DAB1: variants seen among roughly 807,000 people sequenced by gnomAD.
The protein encoded by DAB1 is disabled homolog 1.
A neutral mutation model predicts 64.6 loss-of-function variants in DAB1; 15 were observed. The observed-to-expected ratio is 0.23, with a 90% CI of 0.16 to 0.36. The LOEUF is 0.36. Ranked by LOEUF, DAB1 falls within the 10% of genes least tolerant of loss-of-function variation. DAB1 has a pLI of 1.00. For missense variants in DAB1, 596 were observed against 706.7 expected, an observed-to-expected ratio of 0.84 and a Z score of 1.78; for synonymous variants, 235 against 251.9, an observed-to-expected ratio of 0.93 and a Z score of 0.64.
intron 1 of DAB1, among the ~76,000 whole-genome samples, chr1:57,364,872 G>T (rs116525419): frequency 0.015 from 2,262 of 148,582 alleles, 45 homozygotes; most frequent in African/African-American, 0.048. Context: ...TATATATATA[G>T]AGAGAGAAAG....
In DAB1 at chr1:56,996,076, T is replaced by C. The variant is rs1645604140; in HGVS notation, c.*2068A>G. 1 of 152,222 alleles carries C rather than the reference T, an allele frequency of 6.6e-6. No homozygotes were observed. 9.4% of individuals were successfully genotyped at this position (152,222 alleles called of 1,614,324 possible). On this transcript the variant is annotated 3_prime_UTR_variant, in exon 15 of 15. Coordinates refer to ENST00000371236, the MANE Select transcript of DAB1 (RefSeq NM_001365792.1). ...AAAAAATTAGACTCCTGTGACCTGA[T>C]AGTGTAAAATGTGGGCTTTAAATGA...
intron 4 of DAB1, among the ~76,000 whole-genome samples, chr1:58,218,413 CT>C (rs1379633659): frequency 6.6e-6 from 1 of 152,158 alleles, no homozygotes; most frequent in Non-Finnish European, 1.5e-5. Context: ...GAATTTCCAG[CT>C]TTGGGGAGCA....
rs1313245892 is a variant in DAB1, at chr1:58,253,252, G to T, written n.309+90100C>A. 1.8e-4 allele frequency among the ~76,000 whole-genome samples: 28 copies of T among 152,332 alleles called. 1 individual carries two copies. The South Asian group carries it at 5.8e-3, about 32-fold the overall frequency. On this transcript the variant is annotated intron_variant and non_coding_transcript_variant, in intron 4 of 20. Transcript: ENST00000485760. ...ACTAAAGGAAATGCTCTAAGGATTT[G>T]CTCATTTATCTATCTATGTTCTTAA...
At chr1:57,249,470 C>A (rs1018266055) in intron 2 of DAB1, among the ~76,000 whole-genome samples, 8 of 152,184 alleles carry the variant, frequency 5.3e-5, no homozygotes, top group South Asian at 2.1e-4. Flanking sequence ...CTTCTAGCCT[C>A]AAGCAATCTT....
At chr1:57,825,701 G>A (rs1652319629), downstream of DAB1, among the ~76,000 whole-genome samples, 3 of 152,154 alleles carry the variant, frequency 2.0e-5, no homozygotes, top group South Asian at 6.2e-4. Context: ...TTGAATAAAT[G>A]ACTATATGAT....
chr1:58,209,043 G>A (rs922368021), intron 4 of DAB1, among the ~76,000 whole-genome samples: 1 of 152,114 alleles, frequency 6.6e-6, no homozygotes, highest in African/African-American at 2.4e-5. Flanking sequence ...GAGAGATAAG[G>A]AAGAGTTTTT....
At chr1:58,480,774 A>G (rs1035041360) in intron 3 of DAB1, 1 of 451,888 alleles carries the variant, frequency 2.2e-6, no homozygotes, top group Non-Finnish European at 3.8e-6. Context: ...AGATATTTTA[A>G]CATAGATTAA....
intron 3 of DAB1, chr1:58,473,995 T>G: frequency 1.6e-6 from 2 of 1,229,142 alleles, no homozygotes; most frequent in Non-Finnish European, 2.2e-6. Context: ...AATATCACTT[T>G]ATGCCTGGAC....
chr1:58,386,822 G>A (rs2100551776), intron 3 of DAB1, among the ~76,000 whole-genome samples: 2 of 152,278 alleles, frequency 1.3e-5, no homozygotes, highest in African/African-American at 4.8e-5. Flanking sequence ...AACTTTGGGA[G>A]GCCGAGGCAG....
intron 4 of DAB1, among the ~76,000 whole-genome samples, chr1:58,306,499 C>T (rs1194497081): frequency 2.0e-5 from 3 of 152,114 alleles, no homozygotes; most frequent in South Asian, 2.1e-4. Context: ...TCTGCGACCA[C>T]TTGCATCTAT....
At chr1:58,148,811 C>T (rs1479212093) in intron 5 of DAB1, among the ~76,000 whole-genome samples, 1 of 152,094 alleles carries the variant, frequency 6.6e-6, no homozygotes, top group East Asian at 1.9e-4. Flanking sequence ...TTACTTCCCA[C>T]CAGGTCCCTC....
intron 7 of DAB1, among the ~76,000 whole-genome samples, chr1:57,621,167 G>T (rs543370057): frequency 4.0e-5 from 6 of 148,758 alleles, no homozygotes; most frequent in African/African-American, 1.6e-4. Flanking sequence ...GAATTCATAA[G>T]CTTGAGTGTG....
At chr1:57,884,940 C>T (rs899443792), upstream of DAB1, among the ~76,000 whole-genome samples, 1 of 152,306 alleles carries the variant, frequency 6.6e-6, no homozygotes, top group Non-Finnish European at 1.5e-5. Flanking sequence ...TGCTGGCTCC[C>T]TCTCCCCTTC....
At chr1:57,147,887 T>C (rs557275498) in intron 2 of DAB1, among the ~76,000 whole-genome samples, 3 of 152,332 alleles carry the variant, frequency 2.0e-5, no homozygotes, top group East Asian at 3.9e-4. Context: ...CCAAACTTAC[T>C]GAGTAGAACC....
At chr1:57,420,659 A>G (rs1354486450) in intron 1 of DAB1, among the ~76,000 whole-genome samples, 1 of 152,188 alleles carries the variant, frequency 6.6e-6, no homozygotes, top group Non-Finnish European at 1.5e-5. Flanking sequence ...TTACTAAGAG[A>G]TCATTCTCTT....
chr1:58,182,314 T>C (rs150281145), intron 4 of DAB1, among the ~76,000 whole-genome samples: 2 of 152,072 alleles, frequency 1.3e-5, no homozygotes, highest in Non-Finnish European at 2.9e-5. Context: ...GGTTCTTGGA[T>C]GTGAGGATTA....
At chr1:57,156,140 G>A (rs1245455824) in intron 2 of DAB1, among the ~76,000 whole-genome samples, 2 of 152,070 alleles carry the variant, frequency 1.3e-5, no homozygotes, top group Non-Finnish European at 2.9e-5. Context: ...CACAGTAGAT[G>A]TGCCTCCGCT....
intron 4 of DAB1, among the ~76,000 whole-genome samples, chr1:57,085,837 T>A (rs1036312703): frequency 2.0e-5 from 3 of 152,026 alleles, no homozygotes; most frequent in African/African-American, 7.2e-5. Flanking sequence ...TAAGTGAATA[T>A]TGTGTTTATG....
intron 2 of DAB1, among the ~76,000 whole-genome samples, chr1:58,512,591 G>A (rs1002200454): frequency 2.6e-5 from 4 of 152,170 alleles, no homozygotes; most frequent in Non-Finnish European, 4.4e-5. Flanking sequence ...CCTGTCATAT[G>A]CAACAATACG....
Sources: gnomAD v4.1 joint callset for allele counts (sites outside exome capture counted in the v4.1 genomes callset) on GRCh38, gnomAD v4.1.1 for gene constraint, MANE v1.5 for transcripts, NCBI Gene and HGNC (gene_info 2026-07-23, HGNC 2026-07-21) for gene names.